Variants in LRRFIP1 observed in about 807,000 individuals in gnomAD.
LRRFIP1 encodes the protein leucine-rich repeat flightless-interacting protein 1.
A neutral mutation model predicts 104.4 loss-of-function variants in LRRFIP1; 62 were observed. That is an observed-to-expected ratio of 0.59 (90% CI 0.48 to 0.73). The LOEUF is 0.73. Among genes scored for constraint, LRRFIP1 ranks in the 30% least tolerant of loss-of-function variants. LRRFIP1 has a pLI of 0.00. For missense variants in LRRFIP1, 796 were observed against 824.5 expected (o/e 0.97, Z 0.42); for synonymous variants, 300 against 299.0 (o/e 1.00, Z -0.03).
intron 1 of LRRFIP1, among the ~76,000 whole-genome samples, chr2:237,690,681 G>A (rs191369555): frequency 1.3e-5 from 2 of 151,074 alleles, no homozygotes; most frequent in African/African-American, 4.9e-5. Context: ...AGGTCGCGGT[G>A]AGCCGAGATC....
rs57102756 is a variant in LRRFIP1 at position 237,769,659 on chromosome 2, C to T, written c.1460-284C>T. ...ATCTTGTGTTGCAGCGTGGTTTGGC[C>T]CTAGCGTTCTTGCATGCTAACCTAA... is the stretch of plus-strand genomic sequence containing the variant. On this transcript the variant is annotated intron_variant, in intron 19 of 23. Coordinates refer to ENST00000308482, the MANE Select transcript of LRRFIP1 (RefSeq NM_001137550.2). The T allele has an allele frequency of 1.3e-4, 49 of 387,372 alleles. No homozygotes were observed. The East Asian group carries it at 1.7e-3, about 14-fold the overall frequency. The allele number at this position is 387,372 out of a possible 1,614,324, so 24.0% of individuals were successfully genotyped here. A position where few individuals can be genotyped will look rare whatever the true frequency, so the allele number is the denominator to read the frequency against.
At chr2:237,629,467 C>CTTTTTT (rs745503726) in intron 1 of LRRFIP1, among the ~76,000 whole-genome samples, 1 of 117,374 alleles carries the variant, frequency 8.5e-6, no homozygotes, top group African/African-American at 3.3e-5. Flanking sequence ...TTTCTTTCTT[C>CTTTTTT]TTTTTTTTTT....
intron 1 of LRRFIP1, among the ~76,000 whole-genome samples, chr2:237,693,411 G>T (rs962939262): frequency 6.6e-6 from 1 of 152,188 alleles, no homozygotes; most frequent in Non-Finnish European, 1.5e-5. Context: ...AAATGCCAGA[G>T]AGAGGTGTAG....
At chr2:237,692,460 C>T in intron 1 of LRRFIP1, 4 of 1,527,922 alleles carry the variant, frequency 2.6e-6, no homozygotes, top group Non-Finnish European at 3.5e-6. Context: ...GGCAGGATGA[C>T]CAGCCCCGCG....
intron 8 of LRRFIP1, among the ~76,000 whole-genome samples, chr2:237,731,842 G>C (rs10187840): frequency 0.13 from 19,180 of 152,080 alleles, 2,771 homozygotes; most frequent in African/African-American, 0.36. Flanking sequence ...AGGGCCACAT[G>C]TGAACTCGCC....
At chr2:237,636,308 A>G (rs1160695181) in intron 1 of LRRFIP1, among the ~76,000 whole-genome samples, 1 of 150,108 alleles carries the variant, frequency 6.7e-6, no homozygotes, top group Non-Finnish European at 1.5e-5. Flanking sequence ...AATTTCTGTA[A>G]GACAGAACAG....
At chr2:237,672,699 C>T (rs1352382553) in intron 1 of LRRFIP1, among the ~76,000 whole-genome samples, 1 of 152,120 alleles carries the variant, frequency 6.6e-6, no homozygotes, top group Non-Finnish European at 1.5e-5. Context: ...CCCTGGCACC[C>T]GCTGTTGGTG....
chr2:237,658,734 T>A (rs578083555), intron 1 of LRRFIP1, among the ~76,000 whole-genome samples: 1 of 152,270 alleles, frequency 6.6e-6, no homozygotes, highest in East Asian at 1.9e-4. Flanking sequence ...TCAGATCTTA[T>A]GAGAACTCAC....
At chr2:237,632,340 C>T (rs760068520) in intron 1 of LRRFIP1, among the ~76,000 whole-genome samples, 8 of 152,326 alleles carry the variant, frequency 5.3e-5, no homozygotes, top group East Asian at 3.9e-4. Context: ...TTCTGTGGTA[C>T]GTTTCCTGCT....
At chr2:237,733,087 C>T (rs557135996) in intron 8 of LRRFIP1, among the ~76,000 whole-genome samples, 3 of 152,218 alleles carry the variant, frequency 2.0e-5, no homozygotes, top group Admixed American at 6.5e-5. Flanking sequence ...CCTTGCCTGA[C>T]TTGCTCAGTG....
At chr2:237,628,635 A>G (rs934422258) in intron 1 of LRRFIP1, among the ~76,000 whole-genome samples, 2 of 152,188 alleles carry the variant, frequency 1.3e-5, no homozygotes. Flanking sequence ...GGGTGTATGA[A>G]TGCAAAGAAA....
intron 11 of LRRFIP1, among the ~76,000 whole-genome samples, chr2:237,740,740 A>G (rs1403859411): frequency 6.6e-6 from 1 of 152,150 alleles, no homozygotes; most frequent in East Asian, 1.9e-4. Context: ...CTTTGGGGGA[A>G]GAAAACCCAG....
In LRRFIP1 at chr2:237,780,728, A is replaced by G. The variant is rs1024093276; in HGVS notation, c.*1196A>G. ...AGTGAGGGTTGTGAGTTCAGGGTAT[A>G]TAATCAAGAAAACACTCCCAGCATA... On this transcript the variant is annotated 3_prime_UTR_variant, in exon 24 of 24. Coordinates refer to ENST00000308482, the MANE Select transcript of LRRFIP1 (RefSeq NM_001137550.2). Among the ~76,000 whole-genome samples, 1 of 152,240 alleles carries G rather than the reference A, an allele frequency of 6.6e-6. No individual in the cohort carries two copies. Among genetic ancestry groups the G allele is most frequent in the Non-Finnish European group, 1.5e-5 (1 of 68,046 alleles).
Position 237,737,120 on chromosome 2 carries a change from G to A in LRRFIP1, c.555+1787G>A, listed in dbSNP as rs527827438. Among the ~76,000 whole-genome samples, 60 of 152,340 alleles carry A rather than the reference G, an allele frequency of 3.9e-4. No homozygotes were observed. In the Middle Eastern group the frequency reaches 0.017, roughly 43 times the overall value. ...ATTTGCCCTGCCCCTGGAGGACCAG[G>A]AATTGCCCCCGCGCAGCTCCTGAGT... is the stretch of plus-strand genomic sequence containing the variant. On this transcript the variant is annotated intron_variant, in intron 10 of 23. Coordinates refer to ENST00000308482, the MANE Select transcript of LRRFIP1 (RefSeq NM_001137550.2).
chr2:237,629,426 AT>A (rs2082027983), intron 1 of LRRFIP1, among the ~76,000 whole-genome samples: 1 of 150,100 alleles, frequency 6.7e-6, no homozygotes, highest in Non-Finnish European at 1.5e-5. Context: ...AAGAATGAAA[AT>A]TTCCAGAGTT....
intron 1 of LRRFIP1, among the ~76,000 whole-genome samples, chr2:237,651,942 C>G (rs1282326501): frequency 6.6e-6 from 1 of 152,234 alleles, no homozygotes; most frequent in Non-Finnish European, 1.5e-5. Context: ...CCCGTGGCTG[C>G]ATTGGGCTGT....
intron 23 of LRRFIP1, among the ~76,000 whole-genome samples, chr2:237,776,922 G>T (rs1021989399): frequency 9.9e-5 from 15 of 152,052 alleles, no homozygotes; most frequent in African/African-American, 3.6e-4. Flanking sequence ...CCATCTGACT[G>T]TGGATAACCA....
chr2:237,751,371 T>C, intron 14 of LRRFIP1, 100 bp downstream of exon 14: 1 of 904,900 alleles, frequency 1.1e-6, no homozygotes. Flanking sequence ...ATGCTTACTG[T>C]AAATAGGCTC....
chr2:237,673,553 G>T (rs1161743379), intron 1 of LRRFIP1, among the ~76,000 whole-genome samples: 3 of 152,260 alleles, frequency 2.0e-5, no homozygotes, highest in Non-Finnish European at 4.4e-5. Context: ...GTGTGCGGTT[G>T]TCTGACATCA....
Sources: gnomAD v4.1 joint callset for allele counts (sites outside exome capture counted in the v4.1 genomes callset) on GRCh38, gnomAD v4.1.1 for gene constraint, MANE v1.5 for transcripts, NCBI Gene and HGNC (gene_info 2026-07-23, HGNC 2026-07-21) for gene names.